Variants in NOS1 observed in about 807,000 individuals in gnomAD.
NOS1 encodes the protein NOS type I.
Under a neutral mutation model 164.5 loss-of-function variants are expected in NOS1, and 51 were observed. The observed-to-expected ratio is 0.31, with a 90% confidence interval of 0.25 to 0.39. NOS1 has a LOEUF of 0.39. NOS1 is among the 10% of genes least tolerant of loss of function. The probability of loss-of-function intolerance (pLI) is 1.00; values close to 1 mark genes in which losing one functional copy is unlikely to be tolerated. For missense variants in NOS1, 1,362 were observed against 1,885.6 expected (o/e 0.72, Z 5.14); for synonymous variants, 719 against 745.8 (o/e 0.96, Z 0.59).
chr12:117,342,324 T>C (rs1876151952), intron 1 of NOS1, among the ~76,000 whole-genome samples: 1 of 152,076 alleles, frequency 6.6e-6, no homozygotes, highest in African/African-American at 2.4e-5. Flanking sequence ...AGTTGGAGAT[T>C]AATATTAGTG....
chr12:117,262,405 G>A (rs1177662617), intron 13 of NOS1, among the ~76,000 whole-genome samples: 1 of 144,376 alleles, frequency 6.9e-6, no homozygotes, highest in East Asian at 2.2e-4. Flanking sequence ...TAGGGTGGAA[G>A]GAGAGAGAGG....
At chr12:117,361,003 C>A (rs1358966224) in intron 1 of NOS1, among the ~76,000 whole-genome samples, 5 of 152,184 alleles carry the variant, frequency 3.3e-5, no homozygotes, top group Admixed American at 3.3e-4. Context: ...GAAAATGAGG[C>A]CGCCCGAACC....
rs1197743436 is a variant in NOS1 at position 117,213,663 on chromosome 12, T to C, written c.*1646A>G. ...CAGACACCCAAACTGAACAACAAGA[T>C]ATGCCCACGTACAGTATATAAAAGA... On this transcript the variant is annotated 3_prime_UTR_variant, in exon 29 of 29. Transcript: ENST00000317775. 5.1e-6 allele frequency: 5 copies of C among 985,300 alleles called. No individual in the cohort carries two copies. In the Admixed American group the frequency reaches 3.1e-4, roughly 61 times the overall value. 61.0% of individuals were successfully genotyped at this position (985,300 alleles called of 1,614,324 possible). A position where few individuals can be genotyped will look rare whatever the true frequency, so the allele number is the denominator to read the frequency against.
chr12:117,360,116 A>C (rs1420682679), intron 1 of NOS1, among the ~76,000 whole-genome samples: 1 of 151,468 alleles, frequency 6.6e-6, no homozygotes, highest in Middle Eastern at 3.2e-3. Flanking sequence ...GGGTCGATCT[A>C]GGACCAGAAC....
chr12:117,298,836 C>A (rs927853071), intron 3 of NOS1, among the ~76,000 whole-genome samples: 2 of 152,228 alleles, frequency 1.3e-5, no homozygotes, highest in Non-Finnish European at 2.9e-5. Flanking sequence ...GCTGTTTAAG[C>A]CACCAGTTGG....
chr12:117,326,305 G>A (rs1332761206), intron 2 of NOS1, among the ~76,000 whole-genome samples: 1 of 151,452 alleles, frequency 6.6e-6, no homozygotes, highest in African/African-American at 2.4e-5. Context: ...AGAATTGCTG[G>A]AACCCGGGAG....
At position 117,209,678 on chromosome 12, in the gene NOS1, T is replaced by A. The variant is rs1210038238; in HGVS notation, c.*5631A>T. 7 of 985,348 alleles carry A rather than the reference T, an allele frequency of 7.1e-6. No individual in the cohort carries two copies. The highest frequency in any genetic ancestry group is 3.5e-5 in the African/African-American group (2 of 57,254). The allele number at this position is 985,348 out of a possible 1,614,324, so 61.0% of individuals were successfully genotyped here. On this transcript the variant is annotated 3_prime_UTR_variant, in exon 29 of 29. Transcript: ENST00000317775. ...CCACCTCCCTCGCACATGGCTTTGA[T>A]AAGTATTAATAGGAAACAGACTCTC...
At chr12:117,247,219 C>T (rs185463433) in intron 18 of NOS1, 129 bp downstream of exon 18, 18 of 725,692 alleles carry the variant, frequency 2.5e-5, no homozygotes, top group Non-Finnish European at 3.9e-5. Context: ...AAAGCTGTAT[C>T]TTGGCTGGAT....
At chr12:117,328,554 C>CAT (rs1555261063) in intron 2 of NOS1, among the ~76,000 whole-genome samples, 1 of 151,792 alleles carries the variant, frequency 6.6e-6, no homozygotes, top group Non-Finnish European at 1.5e-5. Flanking sequence ...TCCTTCCCTG[C>CAT]TTTTTTTTGT....
chr12:117,298,237 C>T (rs945262318), intron 3 of NOS1, among the ~76,000 whole-genome samples: 1 of 151,888 alleles, frequency 6.6e-6, no homozygotes, highest in Non-Finnish European at 1.5e-5. Context: ...TAAGCGCAGG[C>T]AGCCTAGATC....
At position 117,351,115 on chromosome 12, in the gene NOS1, AAAG is replaced by A. The variant is rs747511504; in HGVS notation, c.-421+10394_-421+10396del. Among the ~76,000 whole-genome samples the A allele has an allele frequency of 7.2e-5, 11 of 152,086 alleles. 1 individual carries two copies. The highest frequency in any genetic ancestry group is 1.9e-4 in the East Asian group (1 of 5,190). On this transcript the variant is annotated intron_variant, in intron 1 of 28. Coordinates refer to ENST00000317775, the MANE Select transcript of NOS1 (RefSeq NM_000620.5). ...GGCGACAGAGCAAGACTCCGTCTCA[AAAG>A]AAGAAGAAGAAAAAAAAAAGTCTCT...
At chr12:117,316,871 T>A (rs1338720465) in intron 2 of NOS1, among the ~76,000 whole-genome samples, 1 of 152,104 alleles carries the variant, frequency 6.6e-6, no homozygotes, top group Admixed American at 6.6e-5. Flanking sequence ...ATTTAGTAAC[T>A]CTGTTTTTTT....
intron 20 of NOS1, among the ~76,000 whole-genome samples, chr12:117,239,657 C>A (rs961248251): frequency 6.6e-6 from 1 of 151,356 alleles, no homozygotes; most frequent in South Asian, 2.1e-4. Context: ...CAGCCTCAGG[C>A]GGGAGAAAAA....
At position 117,243,273 on chromosome 12, in the gene NOS1, C is replaced by T; in HGVS notation, c.2962+24G>A. ...CTTTCCCCCATTGTCACGAATACCT[C>T]CCTGGAAGGGTGGTGGGAGGTACCT... is the stretch of plus-strand genomic sequence containing the variant. On this transcript the variant is annotated intron_variant, in intron 19 of 28. Transcript: ENST00000317775. This position sits in a 1 kb window ranked among gnomAD's most constrained non-coding sequence, Gnocchi z 4.3. The T allele has an allele frequency of 6.2e-6, 10 of 1,612,934 alleles. No homozygotes were observed. Among genetic ancestry groups the T allele is most frequent in the Non-Finnish European group, 8.5e-6 (10 of 1,179,456 alleles).
At chr12:117,248,707 T>C (rs1870851454) in intron 17 of NOS1, among the ~76,000 whole-genome samples, 1 of 152,278 alleles carries the variant, frequency 6.6e-6, no homozygotes, top group East Asian at 1.9e-4. Context: ...TTTGGGTATA[T>C]ACCCAGTAAT....
chr12:117,247,152 T>C (rs1306350905), intron 18 of NOS1, among the ~76,000 whole-genome samples, 196 bp downstream of exon 18: 2 of 152,178 alleles, frequency 1.3e-5, no homozygotes, highest in East Asian at 3.9e-4. Flanking sequence ...TGTAGAATGT[T>C]GGATTCTGGG....
chr12:117,309,075 T>C (rs922948517), intron 3 of NOS1, among the ~76,000 whole-genome samples: 2 of 152,196 alleles, frequency 1.3e-5, no homozygotes, highest in Admixed American at 6.5e-5. Flanking sequence ...TTTCTTTCTC[T>C]TGTGAGGGCT....
rs939976862 is a variant in NOS1, at chr12:117,212,220, C to A, written c.*3089G>T. 1.0e-5 allele frequency: 10 copies of A among 985,356 alleles called. No individual in the cohort carries two copies. Among genetic ancestry groups the A allele is most frequent in the Non-Finnish European group, 1.2e-5 (10 of 829,896 alleles). 61.0% of individuals were successfully genotyped at this position (985,356 alleles called of 1,614,324 possible). A position where few individuals can be genotyped will look rare whatever the true frequency, so the allele number is the denominator to read the frequency against. Reference sequence around the variant, plus strand: ...GTAAGTTTTGAACCAGGTACTGTAACTGGGCATTTCGTGGGCATTGTCTCA... The same window carrying A: ...GTAAGTTTTGAACCAGGTACTGTAAATGGGCATTTCGTGGGCATTGTCTCA... On this transcript the variant is annotated 3_prime_UTR_variant, in exon 29 of 29. Transcript: ENST00000317775.
chr12:117,290,462 G>T (rs545501658), intron 3 of NOS1, 36 bp from the exon 4 acceptor site: 2 of 1,588,126 alleles, frequency 1.3e-6, no homozygotes, highest in Admixed American at 1.7e-5. Flanking sequence ...ATGAGGCAGG[G>T]CCTTGAGTGG....
Sources: allele counts gnomAD v4.1 joint callset (sites outside exome capture counted in the v4.1 genomes callset), GRCh38; gene constraint gnomAD v4.1.1; non-coding constraint Gnocchi (gnomAD v3.1); transcripts MANE v1.5; gene names NCBI Gene and HGNC (gene_info 2026-07-23, HGNC 2026-07-21).